The following PPP3CB variants were observed in gnomAD, a reference collection of about 807,000 sequenced individuals.
PPP3CB encodes serine/threonine-protein phosphatase 2B catalytic subunit beta isoform.
PPP3CB carries 8 observed loss-of-function variants against 66.4 expected under a neutral mutation model. That is an observed-to-expected ratio of 0.12 (90% CI 0.07 to 0.22). The LOEUF is 0.22. Among genes scored for constraint, PPP3CB ranks in the 10% least tolerant of loss-of-function variants. PPP3CB has a pLI of 1.00. For missense variants in PPP3CB, 319 were observed against 642.5 expected (o/e 0.50, Z 5.44); for synonymous variants, 208 against 221.2 (o/e 0.94, Z 0.53).
intron 3 of PPP3CB, among the ~76,000 whole-genome samples, chr10:73,478,208 C>T (rs11000669): frequency 6.6e-6 from 1 of 152,044 alleles, no homozygotes; most frequent in Non-Finnish European, 1.5e-5. Flanking sequence ...ATAAATAGCA[C>T]TAAATTTTTA....
At chr10:73,459,285 G>T (rs746860418) in intron 9 of PPP3CB, among the ~76,000 whole-genome samples, 1 of 152,136 alleles carries the variant, frequency 6.6e-6, no homozygotes, top group Non-Finnish European at 1.5e-5. Context: ...TCAGGAGATT[G>T]AGATCATCCT....
intron 13 of PPP3CB, 38 bp downstream of exon 13, chr10:73,439,834 C>T: frequency 6.2e-7 from 1 of 1,602,328 alleles, no homozygotes; most frequent in Admixed American, 1.7e-5. Flanking sequence ...CACCCACACA[C>T]CACAGATCTC....
At chr10:73,465,612 T>C (rs1010431202) in intron 9 of PPP3CB, among the ~76,000 whole-genome samples, 2 of 152,198 alleles carry the variant, frequency 1.3e-5, no homozygotes, top group Non-Finnish European at 2.9e-5. Context: ...AAGGAAACAC[T>C]GCTTTCGCCT....
Position 73,438,215 on chromosome 10 carries a change from A to T in PPP3CB, c.*27T>A, listed in dbSNP as rs371806368. On this transcript the variant is annotated 3_prime_UTR_variant, in exon 14 of 14. Coordinates refer to ENST00000360663, the MANE Select transcript of PPP3CB (RefSeq NM_021132.4). ...GTGATCTGTCCATTTGGGGCCCGAGATGTGAGAGTCCCTGGGAAGTAGTGG... is the reference window on the plus strand; with the variant it reads ...GTGATCTGTCCATTTGGGGCCCGAGTTGTGAGAGTCCCTGGGAAGTAGTGG... The T allele has an allele frequency of 1.9e-5, 31 of 1,601,718 alleles. No homozygotes were observed. Among genetic ancestry groups the T allele is most frequent in the Non-Finnish European group, 2.6e-5 (30 of 1,171,700 alleles).
At chr10:73,456,725 A>C (rs1156980709) in intron 9 of PPP3CB, among the ~76,000 whole-genome samples, 1 of 152,124 alleles carries the variant, frequency 6.6e-6, no homozygotes, top group Non-Finnish European at 1.5e-5. Context: ...TGTAAGAACT[A>C]AAACTCTCAG....
At chr10:73,458,697 T>C (rs2056470574) in intron 9 of PPP3CB, among the ~76,000 whole-genome samples, 1 of 150,606 alleles carries the variant, frequency 6.6e-6, no homozygotes, top group South Asian at 2.1e-4. Context: ...TATATGTTTA[T>C]ATATTAAAAT....
At chr10:73,481,014 C>T (rs960184687) in intron 1 of PPP3CB, among the ~76,000 whole-genome samples, 6 of 152,080 alleles carry the variant, frequency 3.9e-5, no homozygotes, top group African/African-American at 1.4e-4. Context: ...TTTATGCATT[C>T]AAAATCAGCT....
At chr10:73,480,511 C>G (rs1199344055) in intron 1 of PPP3CB, among the ~76,000 whole-genome samples, 1 of 142,494 alleles carries the variant, frequency 7.0e-6, no homozygotes, top group African/African-American at 2.6e-5. Flanking sequence ...GTGGCGTGAA[C>G]TCGGCTCACT....
chr10:73,484,156 C>A, intron 1 of PPP3CB, among the ~76,000 whole-genome samples: 1 of 152,020 alleles, frequency 6.6e-6, no homozygotes, highest in Non-Finnish European at 1.5e-5. Context: ...AAAATTAATT[C>A]TCAACTACTA....
At chr10:73,446,391 T>A (rs1270108360) in intron 11 of PPP3CB, 101 bp downstream of exon 11, 1 of 1,109,318 alleles carries the variant, frequency 9.0e-7, no homozygotes, top group Non-Finnish European at 1.4e-6. Context: ...TGTGCCACCA[T>A]ACCCGGCCCC....
At chr10:73,466,113 A>C (rs1396782919) in intron 9 of PPP3CB, among the ~76,000 whole-genome samples, 2 of 152,222 alleles carry the variant, frequency 1.3e-5, no homozygotes, top group East Asian at 3.8e-4. Flanking sequence ...AGGGATCCAC[A>C]GAATTCATCT....
chr10:73,446,855 G>GAA (rs984943510), intron 10 of PPP3CB, among the ~76,000 whole-genome samples: 1 of 149,872 alleles, frequency 6.7e-6, no homozygotes, highest in Admixed American at 6.7e-5. Flanking sequence ...CAGCAATGGG[G>GAA]AAAAAAAAAC....
At chr10:73,482,264 G>C (rs916902416) in intron 1 of PPP3CB, among the ~76,000 whole-genome samples, 13 of 151,476 alleles carry the variant, frequency 8.6e-5, no homozygotes, top group Non-Finnish European at 1.9e-4. Context: ...CTACGTACTG[G>C]CTGGATGCAG....
intron 10 of PPP3CB, among the ~76,000 whole-genome samples, chr10:73,449,801 CT>C (rs767489105): frequency 0.048 from 7,064 of 145,832 alleles, 485 homozygotes; most frequent in African/African-American, 0.16. Context: ...CTAATCTTAG[CT>C]TTTTTTTTTT....
intron 1 of PPP3CB, among the ~76,000 whole-genome samples, chr10:73,493,971 C>T (rs1372544928): frequency 6.6e-6 from 1 of 152,020 alleles, no homozygotes; most frequent in Non-Finnish European, 1.5e-5. Flanking sequence ...GATTCACAAA[C>T]GTAAGGATAG....
chr10:73,474,838 A>T (rs554062549), intron 4 of PPP3CB, 81 bp downstream of exon 4: 5 of 1,543,686 alleles, frequency 3.2e-6, no homozygotes, highest in Non-Finnish European at 4.4e-6. Flanking sequence ...GTTGCACTGT[A>T]AAGTCTTCAA....
chr10:73,480,009 C>T (rs1322075637), intron 1 of PPP3CB, among the ~76,000 whole-genome samples: 2 of 151,946 alleles, frequency 1.3e-5, no homozygotes, highest in African/African-American at 4.8e-5. Flanking sequence ...AAAAACCCCA[C>T]AACACTTTAA....
chr10:73,443,266 GAGAAAGAAAGAA>G (rs1164429950), intron 12 of PPP3CB, among the ~76,000 whole-genome samples: 2 of 64,446 alleles, frequency 3.1e-5, no homozygotes, highest in African/African-American at 8.9e-5. Context: ...GAGAGAGAGA[GAGAAAGAAAGAA>G]AGAAAGACAG....
At chr10:73,489,693 A>C (rs1238565335) in intron 1 of PPP3CB, among the ~76,000 whole-genome samples, 1 of 152,204 alleles carries the variant, frequency 6.6e-6, no homozygotes, top group Non-Finnish European at 1.5e-5. Context: ...CAGGTACTAT[A>C]TACTGCTATA....
Sources: gnomAD v4.1 joint callset for allele counts (sites outside exome capture counted in the v4.1 genomes callset) on GRCh38, gnomAD v4.1.1 for gene constraint, MANE v1.5 for transcripts, NCBI Gene and HGNC (gene_info 2026-07-23, HGNC 2026-07-21) for gene names.